The following IQCJ variants were observed in gnomAD, a reference collection of about 807,000 sequenced individuals.
The protein encoded by IQCJ is IQ domain-containing protein J.
Under a neutral mutation model 11.0 loss-of-function variants are expected in IQCJ, and 9 were observed. The ratio of observed to expected loss-of-function variants is 0.82; its 90% CI spans 0.49 to 1.43. The LOEUF (loss-of-function observed/expected upper bound fraction) is 1.43. Ranked by LOEUF, IQCJ falls within the 40% of genes most tolerant of loss-of-function variation. The probability of loss-of-function intolerance (pLI) is 0.00; values close to 1 mark genes in which losing one functional copy is unlikely to be tolerated. For missense variants in IQCJ, 146 were observed against 133.2 expected (o/e 1.10, Z -0.47); for synonymous variants, 55 against 51.3 (o/e 1.07, Z -0.31).
intron 1 of IQCJ, among the ~76,000 whole-genome samples, chr3:159,118,213 A>C (rs913869812): frequency 6.6e-6 from 1 of 152,182 alleles, no homozygotes; most frequent in South Asian, 2.1e-4. Context: ...GAAATGGGGA[A>C]GCGATCAGGC....
intron 1 of IQCJ, among the ~76,000 whole-genome samples, chr3:159,120,019 C>A (rs899442222): frequency 6.6e-6 from 1 of 152,054 alleles, no homozygotes; most frequent in African/African-American, 2.4e-5. Flanking sequence ...TTTGTGCATG[C>A]CTTCAATATA....
intron 1 of IQCJ, among the ~76,000 whole-genome samples, chr3:159,079,607 A>G (rs2108055354): frequency 6.6e-6 from 1 of 152,266 alleles, no homozygotes; most frequent in South Asian, 2.1e-4. Context: ...ATAGCCATTG[A>G]AACTTTAAAA....
chr3:159,171,527 C>T (rs1205392439), intron 1 of IQCJ, among the ~76,000 whole-genome samples: 1 of 152,148 alleles, frequency 6.6e-6, no homozygotes, highest in Non-Finnish European at 1.5e-5. Context: ...GCTGCAGATT[C>T]AAGAATCATG....
At chr3:159,199,891 G>A (rs1396586476) in intron 1 of IQCJ, among the ~76,000 whole-genome samples, 1 of 151,662 alleles carries the variant, frequency 6.6e-6, no homozygotes, top group African/African-American at 2.4e-5. Context: ...ATATCCTTGA[G>A]CTAGCTTTTC....
intron 1 of IQCJ, among the ~76,000 whole-genome samples, chr3:159,104,425 T>A (rs1718120788): frequency 6.6e-6 from 1 of 152,224 alleles, no homozygotes; most frequent in South Asian, 2.1e-4. Flanking sequence ...ATAAAATACA[T>A]AGTCACTGTG....
chr3:159,148,569 T>C (rs1474690456), intron 1 of IQCJ, among the ~76,000 whole-genome samples: 3 of 152,224 alleles, frequency 2.0e-5, no homozygotes, highest in African/African-American at 7.2e-5. Context: ...CATACTGACA[T>C]CTTTCTAGTA....
At chr3:159,202,437 G>A (rs1724404295) in intron 1 of IQCJ, among the ~76,000 whole-genome samples, 1 of 152,156 alleles carries the variant, frequency 6.6e-6, no homozygotes, top group Admixed American at 6.5e-5. Context: ...GTCCTCTGGA[G>A]GCATTTCCAT....
chr3:159,146,537 T>C (rs1720936579), intron 1 of IQCJ, among the ~76,000 whole-genome samples: 1 of 152,144 alleles, frequency 6.6e-6, no homozygotes, highest in Non-Finnish European at 1.5e-5. Context: ...GTTGCATAGA[T>C]GGTGAGGGGC....
chr3:159,263,441 C>A lies in IQCJ; in HGVS notation c.*710C>A. On this transcript the variant is annotated 3_prime_UTR_variant, in exon 4 of 4. Coordinates refer to ENST00000397832, the MANE Select transcript of IQCJ (RefSeq NM_001042706.3). ...AGGAATAAGGGAATCTGCTGGAAGTCTTTATTTTTAAAAAACACCAAAAGT... is the reference window on the plus strand; with the variant it reads ...AGGAATAAGGGAATCTGCTGGAAGTATTTATTTTTAAAAAACACCAAAAGT... The A allele has an allele frequency of 1.0e-6, 1 of 984,256 alleles. No homozygotes were observed. Among genetic ancestry groups the A allele is most frequent in the Non-Finnish European group, 1.2e-6 (1 of 828,976 alleles). 61.0% of individuals were successfully genotyped at this position (984,256 alleles called of 1,614,324 possible).
chr3:159,258,732 TAAAAAATC>T, intron 3 of IQCJ, among the ~76,000 whole-genome samples: 1 of 152,294 alleles, frequency 6.6e-6, no homozygotes, highest in Non-Finnish European at 1.5e-5. Context: ...TACTTTCTCA[TAAAAAATC>T]AAGATTTCTG....
rs1224725995 is a variant in IQCJ at position 159,252,726 on chromosome 3, G to C, written c.75-1G>C. 4 of 1,610,288 alleles carry C rather than the reference G, an allele frequency of 2.5e-6. No homozygotes were observed. In the South Asian group the frequency reaches 4.4e-5, roughly 18 times the overall value. ...TATTGAGACATTATTTCTGTTTCTA[G>C]TCACCAGCTGGCCATGGATGCAGAG... On this transcript the variant is annotated splice_acceptor_variant, in intron 2 of 3. Transcript: ENST00000397832. LOFTEE classifies it high-confidence loss of function.
intron 1 of IQCJ, among the ~76,000 whole-genome samples, chr3:159,217,039 A>G (rs1166475732): frequency 1.3e-5 from 2 of 152,162 alleles, no homozygotes; most frequent in African/African-American, 4.8e-5. Context: ...GAAATATTTC[A>G]AAAATCTTAA....
chr3:159,089,376 G>C (rs1717061658), intron 1 of IQCJ, among the ~76,000 whole-genome samples: 1 of 151,966 alleles, frequency 6.6e-6, no homozygotes, highest in African/African-American at 2.4e-5. Flanking sequence ...TTCAACTTTG[G>C]TGAATCTGAC....
At chr3:159,157,953 A>G (rs532840760) in intron 1 of IQCJ, among the ~76,000 whole-genome samples, 1 of 152,224 alleles carries the variant, frequency 6.6e-6, no homozygotes, top group Admixed American at 6.5e-5. Flanking sequence ...TTCCCTACTG[A>G]GAGACATTTG....
intron 1 of IQCJ, among the ~76,000 whole-genome samples, chr3:159,141,248 G>C (rs1236753766): frequency 6.6e-6 from 1 of 152,216 alleles, no homozygotes; most frequent in African/African-American, 2.4e-5. Context: ...GCAGAGGTGA[G>C]AGCATGAGCA....
Position 159,126,062 on chromosome 3 carries a change from C to T in IQCJ, c.9+56621C>T, listed in dbSNP as rs545674954. 3.9e-5 allele frequency among the ~76,000 whole-genome samples: 6 copies of T among 152,354 alleles called. No individual in the cohort carries two copies. In the South Asian group the frequency reaches 1.2e-3, roughly 32 times the overall value. ...CATCTGGATGGATTTTCCTTCAACT[C>T]CTTCTGTTGAAATTCCATGTATAAG... On this transcript the variant is annotated intron_variant, in intron 1 of 3. Coordinates refer to ENST00000397832, the MANE Select transcript of IQCJ (RefSeq NM_001042706.3).
chr3:159,247,419 T>C (rs1727337374), intron 2 of IQCJ, among the ~76,000 whole-genome samples: 1 of 152,178 alleles, frequency 6.6e-6, no homozygotes, highest in African/African-American at 2.4e-5. Flanking sequence ...CTATGTGACA[T>C]GGGATCCTTC....
At position 159,192,877 on chromosome 3, in the gene IQCJ, G is replaced by C. The variant is rs116053177; in HGVS notation, c.10-52966G>C. On this transcript the variant is annotated intron_variant, in intron 1 of 3. Coordinates refer to ENST00000397832, the MANE Select transcript of IQCJ (RefSeq NM_001042706.3). ...AAGAATTCTGGTTAGCCTCTCTCAAGGGGAAGCTTACAAGAAGAAGGTTAG... is the reference window on the plus strand; with the variant it reads ...AAGAATTCTGGTTAGCCTCTCTCAACGGGAAGCTTACAAGAAGAAGGTTAG... 4.1e-3 allele frequency among the ~76,000 whole-genome samples: 624 copies of C among 152,228 alleles called. 4 individuals carry two copies. The highest frequency in any genetic ancestry group is 0.014 in the African/African-American group (575 of 41,544).
intron 1 of IQCJ, among the ~76,000 whole-genome samples, chr3:159,174,472 A>G (rs1485863678): frequency 6.6e-6 from 1 of 152,190 alleles, no homozygotes; most frequent in African/African-American, 2.4e-5. Context: ...ACTAAAAATA[A>G]CAGTAAAATT....
Sources: allele counts gnomAD v4.1 joint callset (sites outside exome capture counted in the v4.1 genomes callset), GRCh38; gene constraint gnomAD v4.1.1; transcripts MANE v1.5; gene names NCBI Gene and HGNC (gene_info 2026-07-23, HGNC 2026-07-21).